Variants in TENM3 observed in about 807,000 individuals in gnomAD.
TENM3 encodes the protein teneurin transmembrane protein 3.
In TENM3, 63 loss-of-function variants were observed where a neutral mutation model predicts 255.1. The ratio of observed to expected loss-of-function variants is 0.25; its 90% CI spans 0.20 to 0.30. TENM3 has a LOEUF of 0.30. Ranked by LOEUF, TENM3 falls within the 10% of genes least tolerant of loss-of-function variation. The pLI, the probability that TENM3 is intolerant of heterozygous loss-of-function variation, is 1.00. For synonymous variants in TENM3, 1,306 were observed against 1,322.3 expected (o/e 0.99, Z 0.27); for missense variants, 2,929 against 3,461.1 (o/e 0.85, Z 3.86).
chr4:181,931,235 G>T, the TENM3 span, among the ~76,000 whole-genome samples: 12 of 152,200 alleles, frequency 7.9e-5, no homozygotes, highest in South Asian at 4.1e-4. Context: ...CTTTCTGTTT[G>T]CAGATGACAT....
chr4:181,705,048 AAAC>A, the TENM3 span, among the ~76,000 whole-genome samples: 15 of 29,650 alleles, frequency 5.1e-4, no homozygotes, highest in Admixed American at 1.7e-3. Flanking sequence ...AAACAAAACA[AAAC>A]AAAAAAAAAA....
intron 4 of TENM3, among the ~76,000 whole-genome samples, chr4:182,610,367 G>A (rs974166184): frequency 2.0e-5 from 3 of 152,158 alleles, no homozygotes; most frequent in African/African-American, 7.2e-5. Flanking sequence ...CTATTCCAGA[G>A]CAAATTTAAA....
At chr4:181,927,093 G>A in the TENM3 span, among the ~76,000 whole-genome samples, 1 of 152,180 alleles carries the variant, frequency 6.6e-6, no homozygotes, top group African/African-American at 2.4e-5. Flanking sequence ...AGCTGTTTGG[G>A]CAGACACCAA....
chr4:181,801,226 A>AT, the TENM3 span, among the ~76,000 whole-genome samples: 1 of 120,110 alleles, frequency 8.3e-6, no homozygotes, highest in African/African-American at 2.7e-5. Flanking sequence ...TGGGAAGCTC[A>AT]TTTTTTCTGT....
chr4:182,337,011 T>G (rs1764187248), intron 2 of TENM3, among the ~76,000 whole-genome samples: 1 of 152,194 alleles, frequency 6.6e-6, no homozygotes, highest in African/African-American at 2.4e-5. Flanking sequence ...TGGTGAGTTC[T>G]AGGTCCAGAA....
chr4:182,651,199 C>G (rs17073708), intron 5 of TENM3, among the ~76,000 whole-genome samples: 6,887 of 152,054 alleles, frequency 0.045, 499 homozygotes, highest in African/African-American at 0.15. Flanking sequence ...ACATTTTACT[C>G]TATGCAAAAC....
At chr4:182,473,577 G>T (rs28701735) in intron 3 of TENM3, among the ~76,000 whole-genome samples, 42,469 of 151,950 alleles carry the variant, frequency 0.28, 6,958 homozygotes, top group East Asian at 0.47. Flanking sequence ...GGAGGCTGAG[G>T]CAAGTGAATG....
chr4:181,743,976 C>T, the TENM3 span, among the ~76,000 whole-genome samples: 2 of 152,104 alleles, frequency 1.3e-5, no homozygotes, highest in Admixed American at 6.5e-5. Flanking sequence ...CTCCCCTCCC[C>T]TCACCCAACC....
intron 3 of TENM3, among the ~76,000 whole-genome samples, chr4:182,553,745 A>C (rs1259290054): frequency 6.6e-6 from 1 of 152,196 alleles, no homozygotes; most frequent in Non-Finnish European, 1.5e-5. Context: ...AGACCACAAC[A>C]GCTTGATAAC....
chr4:182,050,001 A>T, the TENM3 span, among the ~76,000 whole-genome samples: 174 of 150,616 alleles, frequency 1.2e-3, 1 homozygote, highest in East Asian at 4.8e-3. Context: ...TTAAAAAAAA[A>T]TTTTTTTTTG....
At chr4:181,676,647 C>G in the TENM3 span, among the ~76,000 whole-genome samples, 2 of 152,076 alleles carry the variant, frequency 1.3e-5, no homozygotes, top group Non-Finnish European at 2.9e-5. Context: ...GAATCCCTTT[C>G]TAACTATAAG....
At chr4:181,560,881 C>CT in the TENM3 span, among the ~76,000 whole-genome samples, 1 of 152,228 alleles carries the variant, frequency 6.6e-6, no homozygotes, top group East Asian at 1.9e-4. Context: ...GGCTCTAAAG[C>CT]TTTTTTTGTG....
intron 16 of TENM3, among the ~76,000 whole-genome samples, chr4:182,735,954 T>TATGCAC (rs1761128704): frequency 6.6e-6 from 1 of 152,200 alleles, no homozygotes; most frequent in Non-Finnish European, 1.5e-5. Context: ...AGATAATTCT[T>TATGCAC]ATGCACATAA....
the TENM3 span, among the ~76,000 whole-genome samples, chr4:182,015,811 G>A: frequency 1.3e-5 from 2 of 151,818 alleles, no homozygotes; most frequent in African/African-American, 4.8e-5. Context: ...CACCTGTCTC[G>A]GCTGGGATTA....
At chr4:182,077,127 G>T in the TENM3 span, among the ~76,000 whole-genome samples, 2 of 152,066 alleles carry the variant, frequency 1.3e-5, no homozygotes, top group African/African-American at 4.8e-5. Context: ...TGCCATCATT[G>T]TGTGATATTC....
the TENM3 span, among the ~76,000 whole-genome samples, chr4:181,877,336 T>G: frequency 6.6e-6 from 1 of 152,122 alleles, no homozygotes; most frequent in Non-Finnish European, 1.5e-5. Flanking sequence ...TCTAAGCAAC[T>G]TAGGTTGGAT....
At chr4:182,712,143 A>G (rs568903152) in intron 12 of TENM3, among the ~76,000 whole-genome samples, 4 of 152,150 alleles carry the variant, frequency 2.6e-5, no homozygotes, top group African/African-American at 2.4e-5. Flanking sequence ...ACCTATAAAT[A>G]CTGTACAGTC....
chr4:181,690,929 AT>A, the TENM3 span, among the ~76,000 whole-genome samples: 65,643 of 152,012 alleles, frequency 0.43, 16,748 homozygotes, highest in Non-Finnish European at 0.57. Flanking sequence ...TAACAAGCAA[AT>A]ACCTTTTTAA....
At chr4:182,019,488 C>G in the TENM3 span, among the ~76,000 whole-genome samples, 1 of 152,176 alleles carries the variant, frequency 6.6e-6, no homozygotes, top group African/African-American at 2.4e-5. Context: ...CAATTCAACA[C>G]AGAGACCAAT....
Sources: gnomAD v4.1 joint callset for allele counts (sites outside exome capture counted in the v4.1 genomes callset) on GRCh38, gnomAD v4.1.1 for gene constraint, MANE v1.5 for transcripts, NCBI Gene and HGNC (gene_info 2026-07-23, HGNC 2026-07-21) for gene names.